ZPBP: variants seen among roughly 807,000 people sequenced by gnomAD.
The protein encoded by ZPBP is zona pellucida binding protein.
A neutral mutation model predicts 44.8 loss-of-function variants in ZPBP; 26 were observed. That is an observed-to-expected ratio of 0.58 (90% CI 0.43 to 0.81). The LOEUF (loss-of-function observed/expected upper bound fraction) is 0.81. Among genes scored for constraint, ZPBP ranks in the 30% least tolerant of loss-of-function variants. The pLI, the probability that ZPBP is intolerant of heterozygous loss-of-function variation, is 0.00. For missense variants in ZPBP, 409 were observed against 434.0 expected (o/e 0.94, Z 0.51); for synonymous variants, 174 against 153.2 (o/e 1.14, Z -1.00).
intron 3 of ZPBP, among the ~76,000 whole-genome samples, chr7:50,076,475 T>A (rs1310594731): frequency 6.6e-6 from 1 of 151,962 alleles, no homozygotes; most frequent in Non-Finnish European, 1.5e-5. Context: ...AGTTAAATTA[T>A]CCTTGTTTGC....
At chr7:49,959,879 T>C (rs181922214) in intron 7 of ZPBP, among the ~76,000 whole-genome samples, 237 of 152,358 alleles carry the variant, frequency 1.6e-3, no homozygotes, top group Middle Eastern at 3.4e-3. Flanking sequence ...ACTTCAGTAT[T>C]GTTCAAATAA....
chr7:50,046,019 C>G (rs1800339286), intron 4 of ZPBP, among the ~76,000 whole-genome samples: 1 of 152,142 alleles, frequency 6.6e-6, no homozygotes, highest in African/African-American at 2.4e-5. Context: ...TGATCTTTGA[C>G]AAAACTGACA....
At chr7:50,042,784 C>T (rs1341698751) in intron 4 of ZPBP, among the ~76,000 whole-genome samples, 10 of 152,194 alleles carry the variant, frequency 6.6e-5, no homozygotes, top group African/African-American at 2.4e-5. Context: ...AACCAGCTAG[C>T]ATCATAATGA....
intron 1 of ZPBP, among the ~76,000 whole-genome samples, chr7:49,909,515 G>A (rs978274622): frequency 2.0e-5 from 3 of 152,086 alleles, no homozygotes; most frequent in Non-Finnish European, 4.4e-5. Context: ...AGTGCAGAGA[G>A]GACTAGAATA....
chr7:49,995,611 T>G lies in ZPBP; in HGVS notation c.784-12092A>C, dbSNP rs1171006628. 2.0e-5 allele frequency among the ~76,000 whole-genome samples: 3 copies of G among 152,238 alleles called. No individual in the cohort carries two copies. In the East Asian group the frequency reaches 5.8e-4, roughly 29 times the overall value. ...AGTCCTTGATGATGGCAGTAAACTC[T>G]GCAATCCTCCCAAGAATTCAGCATT... On this transcript the variant is annotated intron_variant, in intron 6 of 7. Coordinates refer to ENST00000046087, the MANE Select transcript of ZPBP (RefSeq NM_007009.3).
intron 7 of ZPBP, among the ~76,000 whole-genome samples, chr7:49,957,615 G>T (rs2128762395): frequency 6.6e-6 from 1 of 152,318 alleles, no homozygotes; most frequent in Admixed American, 6.5e-5. Context: ...CAGGCAGAAT[G>T]CAAGGGCTGT....
At chr7:50,083,995 A>G (rs1259271012) in intron 2 of ZPBP, among the ~76,000 whole-genome samples, 1 of 152,054 alleles carries the variant, frequency 6.6e-6, no homozygotes, top group African/African-American at 2.4e-5. Context: ...CCTGTATAAC[A>G]TAGGCAAAGT....
chr7:49,913,804 T>A (rs939143634), intron 1 of ZPBP: 1 of 152,132 alleles, frequency 6.6e-6, no homozygotes, highest in Non-Finnish European at 1.5e-5. Context: ...AAAGACTGAA[T>A]AACATTCAAG....
chr7:49,893,699 A>G (rs1792244759), intron 2 of ZPBP, among the ~76,000 whole-genome samples: 1 of 152,070 alleles, frequency 6.6e-6, no homozygotes, highest in Non-Finnish European at 1.5e-5. Flanking sequence ...CAGGTATATA[A>G]AAGGGAAATC....
intron 6 of ZPBP, among the ~76,000 whole-genome samples, chr7:50,008,721 A>G (rs1798427606): frequency 6.6e-6 from 1 of 152,130 alleles, no homozygotes; most frequent in Non-Finnish European, 1.5e-5. Flanking sequence ...CCTCGTATAC[A>G]TGGTCAAAAT....
intron 7 of ZPBP, among the ~76,000 whole-genome samples, chr7:49,982,167 T>A (rs1460387905): frequency 3.3e-5 from 2 of 60,908 alleles, no homozygotes; most frequent in African/African-American, 6.5e-5. Flanking sequence ...ATAATATATA[T>A]TATATATATA....
chr7:49,951,379 T>C (rs1795336427), intron 7 of ZPBP, among the ~76,000 whole-genome samples: 2 of 151,434 alleles, frequency 1.3e-5, no homozygotes, highest in African/African-American at 4.8e-5. Flanking sequence ...AAATCCCAAG[T>C]AGAAACACTG....
chr7:50,044,294 A>C lies in ZPBP; in HGVS notation c.488-12984T>G, dbSNP rs1800238297. ...GCAAACAAATTCAAAAGCCAGCAGA[A>C]GACAAGAAATAAAACTAAGATCAGA... On this transcript the variant is annotated intron_variant, in intron 4 of 7. Transcript: ENST00000046087. Among the ~76,000 whole-genome samples, 3 of 152,186 alleles carry C rather than the reference A, an allele frequency of 2.0e-5. No homozygotes were observed. The South Asian group carries it at 6.2e-4, about 32-fold the overall frequency.
intron 6 of ZPBP, among the ~76,000 whole-genome samples, chr7:50,010,739 A>T (rs1798529953): frequency 6.6e-6 from 1 of 152,144 alleles, no homozygotes; most frequent in Non-Finnish European, 1.5e-5. Flanking sequence ...ACGCTCATGG[A>T]TGAGTAGAAT....
chr7:49,932,647 T>C (rs1356331690), downstream of ZPBP, among the ~76,000 whole-genome samples: 1 of 152,144 alleles, frequency 6.6e-6, no homozygotes, highest in Non-Finnish European at 1.5e-5. Flanking sequence ...GAATTAAGAC[T>C]TGGGGGACTG....
chr7:50,076,313 T>C (rs1217731071), intron 3 of ZPBP, among the ~76,000 whole-genome samples: 1 of 151,894 alleles, frequency 6.6e-6, no homozygotes, highest in Admixed American at 6.6e-5. Context: ...GCCAGTATCA[T>C]ACTGAATGGA....
At chr7:49,992,759 C>G (rs1283181918) in intron 6 of ZPBP, among the ~76,000 whole-genome samples, 2 of 152,082 alleles carry the variant, frequency 1.3e-5, no homozygotes, top group African/African-American at 4.8e-5. Context: ...ACAATTCTGG[C>G]TGAAAATGTT....
At chr7:49,985,655 A>C (rs914760834) in intron 6 of ZPBP, among the ~76,000 whole-genome samples, 50 of 146,094 alleles carry the variant, frequency 3.4e-4, no homozygotes, top group Admixed American at 6.2e-4. Flanking sequence ...AAAAAAAAAA[A>C]AAAAACCTAA....
intron 6 of ZPBP, among the ~76,000 whole-genome samples, chr7:50,006,134 C>T (rs1358092974): frequency 2.6e-5 from 4 of 151,398 alleles, no homozygotes; most frequent in African/African-American, 9.7e-5. Context: ...CGTGAGAACG[C>T]CTAAAGATAT....
Sources: allele counts gnomAD v4.1 joint callset (sites outside exome capture counted in the v4.1 genomes callset), GRCh38; gene constraint gnomAD v4.1.1; transcripts MANE v1.5; gene names NCBI Gene and HGNC (gene_info 2026-07-23, HGNC 2026-07-21).